The following TLL1 variants were observed in gnomAD, a reference collection of about 807,000 sequenced individuals.
TLL1 encodes tolloid-like protein 1.
TLL1 carries 49 observed loss-of-function variants against 128.2 expected under a neutral mutation model. The ratio of observed to expected loss-of-function variants is 0.38; its 90% CI spans 0.30 to 0.48. The LOEUF (loss-of-function observed/expected upper bound fraction) is 0.48. Among genes scored for constraint, TLL1 ranks in the 20% least tolerant of loss-of-function variants. TLL1 has a pLI of 0.96. For synonymous variants in TLL1, 454 were observed against 418.8 expected, an observed-to-expected ratio of 1.08 and a Z score of -1.03; for missense variants, 1,123 against 1,242.0, an observed-to-expected ratio of 0.90 and a Z score of 1.44.
intron 1 of TLL1, among the ~76,000 whole-genome samples, chr4:165,963,514 A>G (rs187164240): frequency 1.0e-3 from 152 of 152,164 alleles, no homozygotes; most frequent in African/African-American, 3.6e-3. Flanking sequence ...AGTGGGGGAG[A>G]TTATATTCTC....
chr4:165,914,644 G>A (rs962218211), intron 1 of TLL1, among the ~76,000 whole-genome samples: 10 of 152,280 alleles, frequency 6.6e-5, no homozygotes, highest in Non-Finnish European at 1.5e-4. Context: ...TTTCTGTGAT[G>A]AGTTCCTCTT....
At chr4:166,067,140 A>G (rs1265633260) in intron 16 of TLL1, among the ~76,000 whole-genome samples, 3 of 151,808 alleles carry the variant, frequency 2.0e-5, no homozygotes, top group Non-Finnish European at 4.4e-5. Flanking sequence ...ACATTACGCA[A>G]TATACCCATG....
At chr4:165,986,284 C>T (rs931617283) in intron 1 of TLL1, among the ~76,000 whole-genome samples, 3 of 151,876 alleles carry the variant, frequency 2.0e-5, no homozygotes, top group Non-Finnish European at 2.9e-5. Flanking sequence ...ACTTACTGTG[C>T]CAACGCATAA....
At chr4:166,036,800 TG>T (rs1739023849) in intron 9 of TLL1, among the ~76,000 whole-genome samples, 1 of 150,812 alleles carries the variant, frequency 6.6e-6, no homozygotes, top group Non-Finnish European at 1.5e-5. Context: ...TGTGTGTGTG[TG>T]TGTGTGTGTG....
chr4:165,883,775 A>G (rs372058035), intron 1 of TLL1, among the ~76,000 whole-genome samples: 15 of 152,328 alleles, frequency 9.8e-5, no homozygotes, highest in African/African-American at 3.1e-4. Context: ...GAACTTTTCA[A>G]TTGAGAAGAT....
chr4:165,967,063 G>A (rs1463518374), intron 1 of TLL1, among the ~76,000 whole-genome samples: 3 of 152,096 alleles, frequency 2.0e-5, no homozygotes, highest in Non-Finnish European at 4.4e-5. Context: ...CTTCCCCCTA[G>A]GAATGCATTC....
rs199741025 is a variant in TLL1, at chr4:165,974,133, C to CTTTTTTTTTTTT, written c.170-15234_170-15223dup. ...CTTAGGATTAAGTCCTGGACCTCAT[C>CTTTTTTTTTTTT]TTTTTTTTTTTTTTTTTTTTTTTTT... On this transcript the variant is annotated intron_variant, in intron 1 of 20. Transcript: ENST00000061240. 3.6e-4 allele frequency among the ~76,000 whole-genome samples: 22 copies of CTTTTTTTTTTTT among 60,750 alleles called. 5 individuals are homozygous for CTTTTTTTTTTTT. The highest frequency in any genetic ancestry group is 5.5e-4 in the Admixed American group (2 of 3,614). The allele number at this position is 60,750 out of a possible 152,430, so 39.9% of individuals were successfully genotyped here.
At chr4:165,962,575 T>C (rs1252299437) in intron 1 of TLL1, among the ~76,000 whole-genome samples, 1 of 152,124 alleles carries the variant, frequency 6.6e-6, no homozygotes, top group South Asian at 2.1e-4. Context: ...ACTGGGTATA[T>C]ACCCAAAGGA....
chr4:165,888,017 C>T (rs149498697), intron 1 of TLL1, among the ~76,000 whole-genome samples: 2 of 152,106 alleles, frequency 1.3e-5, no homozygotes, highest in African/African-American at 4.8e-5. Flanking sequence ...TCTTGACAGT[C>T]TTGTACGTTT....
At chr4:166,077,329 A>T (rs1741080249) in intron 17 of TLL1, among the ~76,000 whole-genome samples, 2 of 151,922 alleles carry the variant, frequency 1.3e-5, no homozygotes, top group African/African-American at 4.8e-5. Context: ...TTCATTTATC[A>T]TTCCCCTTAG....
At chr4:165,878,427 C>T (rs1404426650) in intron 1 of TLL1, among the ~76,000 whole-genome samples, 1 of 151,710 alleles carries the variant, frequency 6.6e-6, no homozygotes, top group Non-Finnish European at 1.5e-5. Context: ...ACAGTGTTTG[C>T]AGAAGGGATG....
chr4:166,030,784 A>G (rs1237424969), intron 9 of TLL1: 1 of 1,086,100 alleles, frequency 9.2e-7, no homozygotes, highest in African/African-American at 1.6e-5. Context: ...GACTTCTATT[A>G]TGGCTTATTT....
In TLL1 at chr4:166,091,163, A is replaced by G. The variant is rs967321373; in HGVS notation, c.2478A>G (p.Glu826=). The G allele has an allele frequency of 4.3e-5, 70 of 1,613,146 alleles. No homozygotes were observed. The highest frequency in any genetic ancestry group is 5.7e-5 in the Non-Finnish European group (67 of 1,179,450). ...AATTTGAGATTGAGCAGCATCAAGA[A>G]TGTGCTTATGACCACTTAGAAGTAT... ...FSEFEIEQHQ[E]CAYDHLEVFD... Residue 826 remains glutamate, a synonymous_variant, in exon 19 of 21, where the codon GAA becomes GAG. Transcript: ENST00000061240.
At chr4:165,995,307 T>C in intron 5 of TLL1, 129 bp downstream of exon 5, 1 of 748,952 alleles carries the variant, frequency 1.3e-6, no homozygotes, top group Non-Finnish European at 2.3e-6. Context: ...GTCTGGATTT[T>C]CCATAAAAAT....
At chr4:165,982,289 AACATT>A in intron 1 of TLL1, among the ~76,000 whole-genome samples, 1 of 150,798 alleles carries the variant, frequency 6.6e-6, no homozygotes, top group South Asian at 2.1e-4. Context: ...AAAGCTGTAA[AACATT>A]ACAAATAATA....
At chr4:166,021,078 G>A (rs534749293) in intron 8 of TLL1, among the ~76,000 whole-genome samples, 12 of 152,122 alleles carry the variant, frequency 7.9e-5, no homozygotes, top group African/African-American at 2.7e-4. Context: ...TTAATTTAGC[G>A]TTAAAATGAA....
chr4:165,905,997 A>T (rs902826642), intron 1 of TLL1, among the ~76,000 whole-genome samples: 4 of 152,054 alleles, frequency 2.6e-5, no homozygotes, highest in African/African-American at 9.7e-5. Context: ...CTAGGATAGG[A>T]GCAGTTTTGT....
intron 10 of TLL1, among the ~76,000 whole-genome samples, chr4:166,040,194 T>A (rs913376966): frequency 6.6e-6 from 1 of 152,224 alleles, no homozygotes; most frequent in Non-Finnish European, 1.5e-5. Flanking sequence ...TTTGCTCAGT[T>A]GCATTGATGA....
At chr4:165,989,249 G>T in intron 1 of TLL1, 132 bp from the exon 2 acceptor site, 1 of 691,642 alleles carries the variant, frequency 1.4e-6, no homozygotes, top group Non-Finnish European at 2.5e-6. Flanking sequence ...ATTCAGTTAT[G>T]ATTACTTTCT....
Sources: allele counts gnomAD v4.1 joint callset (sites outside exome capture counted in the v4.1 genomes callset), GRCh38; gene constraint gnomAD v4.1.1; transcripts MANE v1.5; gene names NCBI Gene and HGNC (gene_info 2026-07-23, HGNC 2026-07-21).